Variants in RFX3 observed in about 807,000 individuals in gnomAD.
RFX3 encodes the protein regulatory factor X3.
A neutral mutation model predicts 98.6 loss-of-function variants in RFX3; 14 were observed. The observed-to-expected ratio is 0.14, with a 90% CI of 0.09 to 0.22. The LOEUF is 0.22. Among genes scored for constraint, RFX3 ranks in the 10% least tolerant of loss-of-function variants. The pLI is 1.00. For synonymous variants in RFX3, 383 were observed against 328.4 expected, an observed-to-expected ratio of 1.17 and a Z score of -1.80; for missense variants, 639 against 926.9, an observed-to-expected ratio of 0.69 and a Z score of 4.03.
chr9:3,521,398 G>T lies in RFX3; in HGVS notation c.-9+4349C>A, dbSNP rs371682646. Among the ~76,000 whole-genome samples, 100 of 152,116 alleles carry T rather than the reference G, an allele frequency of 6.6e-4. 1 individual carries two copies. In the East Asian group the frequency reaches 0.013, roughly 20 times the overall value. The stretch of plus-strand genomic sequence containing the variant: ...AGTATGTTAAACTCCATAAAAATAA[G>T]CCTATTATATGCTTCAATGCATATA... On this transcript the variant is annotated intron_variant, in intron 1 of 16. Transcript: ENST00000617270.
At position 3,338,586 on chromosome 9, in the gene RFX3, G is replaced by C. The variant is rs188906066; in HGVS notation, c.216-8069C>G. Among the ~76,000 whole-genome samples the C allele has an allele frequency of 1.4e-3, 208 of 152,246 alleles. 3 individuals carry two copies. Among genetic ancestry groups the C allele is most frequent in the Middle Eastern group, 0.014 (4 of 294 alleles). ...AATGTGCATCAGAATCACCCGGAGT[G>C]CCTGTTGCAACACAGAGAGCTAGGT... On this transcript the variant is annotated intron_variant, in intron 3 of 16. Transcript: ENST00000617270.
intron 13 of RFX3, among the ~76,000 whole-genome samples, chr9:3,262,126 C>T (rs1822990406): frequency 2.0e-5 from 3 of 152,092 alleles, no homozygotes. Flanking sequence ...TCTTTTGAAA[C>T]CCCAAAGTTT....
intron 4 of RFX3, among the ~76,000 whole-genome samples, chr9:3,320,500 C>T (rs1398205523): frequency 1.3e-5 from 2 of 150,410 alleles, no homozygotes; most frequent in South Asian, 2.1e-4. Flanking sequence ...TGCAGTGAGC[C>T]GAGATCAAAC....
At chr9:3,247,680 A>G (rs1820862442) in intron 15 of RFX3, 1 of 1,467,200 alleles carries the variant, frequency 6.8e-7, no homozygotes, top group African/African-American at 1.4e-5. Flanking sequence ...AATCCTTTCC[A>G]TTGTATTCCC....
rs554615248 is a variant in RFX3 at position 3,262,012 on chromosome 9, G to A, written c.1605+923C>T. On this transcript the variant is annotated intron_variant, in intron 13 of 16. Coordinates refer to ENST00000617270, the MANE Select transcript of RFX3 (RefSeq NM_001282116.2). ...ATCAGGTTTTCTTTATTACTGGGTT[G>A]TAATGGTTCTTTATATATTCTATAA... Among the ~76,000 whole-genome samples, 15 of 152,194 alleles carry A rather than the reference G, an allele frequency of 9.9e-5. No individual in the cohort carries two copies. In the South Asian group the frequency reaches 3.1e-3, roughly 32 times the overall value.
chr9:3,451,297 G>C (rs1403425616), intron 1 of RFX3, among the ~76,000 whole-genome samples: 1 of 152,136 alleles, frequency 6.6e-6, no homozygotes, highest in African/African-American at 2.4e-5. Context: ...TGCAATCTCA[G>C]AACTTTGGGA....
chr9:3,247,901 C>T (rs1292209244), intron 15 of RFX3, 131 bp downstream of exon 15: 1 of 1,610,590 alleles, frequency 6.2e-7, no homozygotes, highest in Non-Finnish European at 8.5e-7. Flanking sequence ...AATAACTCCA[C>T]AGTCCCTCCT....
chr9:3,268,946 T>C (rs924822696), intron 11 of RFX3, among the ~76,000 whole-genome samples: 6 of 151,980 alleles, frequency 3.9e-5, no homozygotes, highest in Non-Finnish European at 7.4e-5. Context: ...GCTAATGAGC[T>C]ACCCTATGCA....
At chr9:3,382,006 TA>T (rs1443015051) in intron 2 of RFX3, among the ~76,000 whole-genome samples, 79 of 152,180 alleles carry the variant, frequency 5.2e-4, no homozygotes, top group Non-Finnish European at 1.8e-4. Flanking sequence ...GGTTAATATA[TA>T]AATTTATTAT....
At chr9:3,484,531 A>T (rs978030341) in intron 1 of RFX3, among the ~76,000 whole-genome samples, 2 of 152,222 alleles carry the variant, frequency 1.3e-5, no homozygotes, top group African/African-American at 4.8e-5. Context: ...TGTATCTGCC[A>T]CATTTAACTC....
At chr9:3,299,459 A>G (rs1474541013) in intron 5 of RFX3, among the ~76,000 whole-genome samples, 1 of 151,780 alleles carries the variant, frequency 6.6e-6, no homozygotes, top group African/African-American at 2.4e-5. Flanking sequence ...TTTTGTTTCT[A>G]AATATTTGAC....
At chr9:3,320,111 T>C (rs1831086329) in intron 4 of RFX3, among the ~76,000 whole-genome samples, 1 of 152,180 alleles carries the variant, frequency 6.6e-6, no homozygotes, top group Admixed American at 6.5e-5. Flanking sequence ...TCTACATGCA[T>C]TTGGGGAATA....
chr9:3,496,285 AT>A, intron 1 of RFX3, among the ~76,000 whole-genome samples: 1 of 152,012 alleles, frequency 6.6e-6, no homozygotes. Context: ...CTTAGTGCAT[AT>A]TTTTTTCTAT....
At chr9:3,320,974 C>G (rs1317127079) in intron 4 of RFX3, among the ~76,000 whole-genome samples, 2 of 144,932 alleles carry the variant, frequency 1.4e-5, no homozygotes, top group African/African-American at 2.8e-5. Context: ...TGATCTTGGC[C>G]CACTGCAAAC....
At position 3,505,262 on chromosome 9, in the gene RFX3, T is replaced by TAATG. The variant is rs1564186973; in HGVS notation, c.-9+20484_-9+20485insCATT. Among the ~76,000 whole-genome samples the TAATG allele has an allele frequency of 5.1e-3, 373 of 73,572 alleles. 62 individuals carry two copies. The East Asian group carries it at 0.057, about 11-fold the overall frequency. 48.3% of individuals were successfully genotyped at this position (73,572 alleles called of 152,430 possible). A position where few individuals can be genotyped will look rare whatever the true frequency, so the allele number is the denominator to read the frequency against. Reference sequence around the variant, plus strand: ...TATTTATATATATATGAATATATATTTATATATATATGAATATATACATTT... The same window carrying TAATG: ...TATTTATATATATATGAATATATATTAATGTATATATATATGAATATATACATTT... On this transcript the variant is annotated intron_variant, in intron 1 of 16. Transcript: ENST00000617270.
At chr9:3,425,503 T>C (rs894515903) in intron 1 of RFX3, among the ~76,000 whole-genome samples, 27 of 152,334 alleles carry the variant, frequency 1.8e-4, no homozygotes, top group South Asian at 4.1e-4. Flanking sequence ...AGCCCTATCT[T>C]CTCTGTACCA....
chr9:3,352,802 T>C (rs1835304658), intron 2 of RFX3, among the ~76,000 whole-genome samples: 1 of 152,170 alleles, frequency 6.6e-6, no homozygotes, highest in South Asian at 2.1e-4. Flanking sequence ...AGAACCATTT[T>C]CCACATTGCA....
rs536931948 is a variant in RFX3 at position 3,226,833 on chromosome 9, T to G, written c.2012-1553A>C. Among the ~76,000 whole-genome samples, 4 of 152,330 alleles carry G rather than the reference T, an allele frequency of 2.6e-5. No homozygotes were observed. The East Asian group carries it at 5.8e-4, about 22-fold the overall frequency. ...TCTGTAAGGATCTTAACACAAACTCTTCATGGTGGCAGTCTCTTATGGTTG... is the reference window on the plus strand; with the variant it reads ...TCTGTAAGGATCTTAACACAAACTCGTCATGGTGGCAGTCTCTTATGGTTG... On this transcript the variant is annotated intron_variant, in intron 16 of 16. Coordinates refer to ENST00000617270, the MANE Select transcript of RFX3 (RefSeq NM_001282116.2).
intron 7 of RFX3, among the ~76,000 whole-genome samples, chr9:3,287,791 A>G (rs748927598): frequency 2.6e-5 from 4 of 151,998 alleles, no homozygotes; most frequent in Non-Finnish European, 5.9e-5. Context: ...AGAGATGTGC[A>G]GAATAGCAAG....
Sources: gnomAD v4.1 joint callset for allele counts (sites outside exome capture counted in the v4.1 genomes callset) on GRCh38, gnomAD v4.1.1 for gene constraint, MANE v1.5 for transcripts, NCBI Gene and HGNC (gene_info 2026-07-23, HGNC 2026-07-21) for gene names.